The following PTPRR variants were observed in gnomAD, a reference collection of about 807,000 sequenced individuals.
PTPRR encodes the protein protein tyrosine phosphatase receptor type R.
In PTPRR, 38 loss-of-function variants were observed where a neutral mutation model predicts 77.2. The observed-to-expected ratio is 0.49, with a 90% CI of 0.38 to 0.65. PTPRR has a LOEUF of 0.65. Among genes scored for constraint, PTPRR ranks in the 30% least tolerant of loss-of-function variants. The pLI is 0.00. For missense variants in PTPRR, 744 were observed against 799.2 expected (o/e 0.93, Z 0.83); for synonymous variants, 299 against 283.1 (o/e 1.06, Z -0.57).
Position 70,660,997 on chromosome 12 carries a change from TC to T in PTPRR, c.1708del (p.Asp570MetfsTer2). ...GGAAGCAAGTCTGTCTTCTTCTACA[TC>T]CAGCATGAGCTGTAGGAGGGGCTGG... ...SAQPLLQLMLDVEEDRLASQG... is the reference protein window; with the variant it reads ...SAQPLLQLMLXVEEDRLASQG... On this transcript the variant is annotated frameshift_variant, in exon 12 of 14. Transcript: ENST00000283228. LOFTEE classifies it high-confidence loss of function. 6.2e-7 allele frequency: 1 copy of T among 1,613,860 alleles called. No individual in the cohort carries two copies. The highest frequency in any genetic ancestry group is 1.1e-5 in the South Asian group (1 of 90,942).
intron 1 of PTPRR, among the ~76,000 whole-genome samples, chr12:70,901,212 A>G (rs2137126455): frequency 6.6e-6 from 1 of 151,672 alleles, no homozygotes; most frequent in East Asian, 1.9e-4. Context: ...TCAAAAAACT[A>G]AAAATAGAAC....
chr12:70,723,258 T>C (rs1188474059), intron 6 of PTPRR, among the ~76,000 whole-genome samples: 2 of 152,024 alleles, frequency 1.3e-5, no homozygotes, highest in African/African-American at 4.8e-5. Context: ...GATAAGAGAC[T>C]TGGAAATTAA....
intron 2 of PTPRR, among the ~76,000 whole-genome samples, chr12:70,769,243 T>C (rs1156392389): frequency 5.3e-5 from 8 of 151,030 alleles, no homozygotes; most frequent in Middle Eastern, 6.8e-3. Flanking sequence ...GACGACGTGA[T>C]TGTATATCTA....
chr12:70,785,812 G>A (rs965453832), intron 2 of PTPRR, among the ~76,000 whole-genome samples: 1 of 152,134 alleles, frequency 6.6e-6, no homozygotes. Context: ...ATTATCCTGG[G>A]TACAGTAAAC....
At chr12:70,868,076 TA>T (rs1290131463) in intron 2 of PTPRR, among the ~76,000 whole-genome samples, 5 of 152,078 alleles carry the variant, frequency 3.3e-5, no homozygotes, top group Non-Finnish European at 7.4e-5. Context: ...CCTAAAACCA[TA>T]AAAACCCTAG....
chr12:70,804,880 T>G (rs562346536), intron 2 of PTPRR, among the ~76,000 whole-genome samples: 1 of 152,266 alleles, frequency 6.6e-6, no homozygotes, highest in Admixed American at 6.5e-5. Flanking sequence ...AAAAGAAAGT[T>G]TTAGTTTCCA....
At chr12:70,697,931 A>C (rs775566747) in intron 8 of PTPRR, among the ~76,000 whole-genome samples, 1 of 152,162 alleles carries the variant, frequency 6.6e-6, no homozygotes, top group Non-Finnish European at 1.5e-5. Flanking sequence ...AAAATCATTA[A>C]CTTCAGATAG....
intron 2 of PTPRR, among the ~76,000 whole-genome samples, chr12:70,842,771 T>C (rs568106241): frequency 3.9e-5 from 6 of 152,324 alleles, no homozygotes; most frequent in African/African-American, 9.6e-5. Flanking sequence ...CAAAGATTCA[T>C]CTTCCAAAAT....
chr12:70,713,652 T>C (rs545263801), intron 6 of PTPRR, among the ~76,000 whole-genome samples: 76 of 151,702 alleles, frequency 5.0e-4, no homozygotes, highest in African/African-American at 1.6e-3. Context: ...TGACTGACAA[T>C]GTTGAGCATG....
chr12:70,841,691 A>G (rs1021588448), intron 2 of PTPRR, among the ~76,000 whole-genome samples: 4 of 149,556 alleles, frequency 2.7e-5, no homozygotes, highest in Non-Finnish European at 5.9e-5. Context: ...CAATGTCTCA[A>G]ATATTTTATT....
intron 13 of PTPRR, among the ~76,000 whole-genome samples, chr12:70,648,252 C>T (rs2136648930): frequency 6.6e-6 from 1 of 152,228 alleles, no homozygotes; most frequent in South Asian, 2.1e-4. Flanking sequence ...AAAAAACCCA[C>T]CCTTTTCCTA....
In PTPRR at chr12:70,638,999, A is replaced by G. The variant is rs1885880020; in HGVS notation, c.*185T>C. 1 of 602,326 alleles carries G rather than the reference A, an allele frequency of 1.7e-6. No individual in the cohort carries two copies. Among genetic ancestry groups the G allele is most frequent in the African/African-American group, 1.8e-5 (1 of 54,180 alleles). The allele number at this position is 602,326 out of a possible 1,614,324, so 37.3% of individuals were successfully genotyped here. ...AGAATAATTTGGGGGATGCTTACAA[A>G]TGCATTCATATACACAAGGAGCTGG... On this transcript the variant is annotated 3_prime_UTR_variant, in exon 14 of 14. Transcript: ENST00000283228.
chr12:70,745,704 A>T, intron 6 of PTPRR, 114 bp downstream of exon 6: 2 of 1,199,882 alleles, frequency 1.7e-6, no homozygotes, highest in Non-Finnish European at 2.3e-6. Flanking sequence ...CTGTCCATTT[A>T]GTGGTGAACA....
At chr12:70,919,657 C>T (rs1335314181) in intron 1 of PTPRR, among the ~76,000 whole-genome samples, 1 of 135,110 alleles carries the variant, frequency 7.4e-6, no homozygotes, top group Non-Finnish European at 1.6e-5. Flanking sequence ...GGGTTGTCAG[C>T]TTTGGAACTG....
intron 11 of PTPRR, among the ~76,000 whole-genome samples, chr12:70,661,897 GA>G (rs1411002094): frequency 6.6e-6 from 1 of 152,128 alleles, no homozygotes; most frequent in Non-Finnish European, 1.5e-5. Flanking sequence ...AGATAAGATC[GA>G]AATTTTTGGG....
intron 5 of PTPRR, among the ~76,000 whole-genome samples, chr12:70,751,155 T>C (rs967738910): frequency 4.6e-5 from 7 of 152,202 alleles, no homozygotes; most frequent in Non-Finnish European, 1.0e-4. Context: ...ATCCTCATTC[T>C]GAACGTGTCC....
At chr12:70,811,874 T>C (rs971173248) in intron 2 of PTPRR, among the ~76,000 whole-genome samples, 5 of 152,226 alleles carry the variant, frequency 3.3e-5, no homozygotes, top group African/African-American at 1.2e-4. Flanking sequence ...TGTTTTCTTG[T>C]ACAGACTTTG....
At chr12:70,767,227 A>G (rs541908071) in intron 2 of PTPRR, among the ~76,000 whole-genome samples, 1 of 152,260 alleles carries the variant, frequency 6.6e-6, no homozygotes, top group East Asian at 1.9e-4. Flanking sequence ...GGCAAATTGG[A>G]TAAAGAGTCA....
chr12:70,852,094 T>C (rs1892581219), intron 2 of PTPRR, among the ~76,000 whole-genome samples: 1 of 151,806 alleles, frequency 6.6e-6, no homozygotes, highest in African/African-American at 2.4e-5. Context: ...AGTGCATGAG[T>C]GGGTGAAGGG....
Sources: allele counts gnomAD v4.1 joint callset (sites outside exome capture counted in the v4.1 genomes callset), GRCh38; gene constraint gnomAD v4.1.1; transcripts MANE v1.5; gene names NCBI Gene and HGNC (gene_info 2026-07-23, HGNC 2026-07-21).